Variants in LIFR observed in about 807,000 individuals in gnomAD.
LIFR encodes the protein LIF receptor subunit alpha.
LIFR carries 84 observed loss-of-function variants against 122.2 expected under a neutral mutation model. The observed-to-expected ratio is 0.69, with a 90% CI of 0.58 to 0.82. The LOEUF (loss-of-function observed/expected upper bound fraction) is 0.82, where lower values mean the gene tolerates loss of function less well. LIFR is among the 40% of genes least tolerant of loss of function. The probability of loss-of-function intolerance (pLI) is 0.00; values close to 1 mark genes in which losing one functional copy is unlikely to be tolerated. For synonymous variants in LIFR, 422 were observed against 434.7 expected (o/e 0.97, Z 0.36); for missense variants, 1,294 against 1,311.6 (o/e 0.99, Z 0.21).
chr5:38,486,046 C>T, intron 16 of LIFR, 66 bp from the exon 17 acceptor site: 1 of 1,441,400 alleles, frequency 6.9e-7, no homozygotes, highest in Non-Finnish European at 9.7e-7. Flanking sequence ...GTTACCCACA[C>T]CTGTCTCACC....
At chr5:38,597,366 G>A (rs578238634), upstream of LIFR, among the ~76,000 whole-genome samples, 24 of 152,338 alleles carry the variant, frequency 1.6e-4, no homozygotes, top group African/African-American at 4.3e-4. Flanking sequence ...GAAGTAGCTC[G>A]TGGGGTGAGA....
chr5:38,502,841 G>T, intron 10 of LIFR, 42 bp from the exon 11 acceptor site: 5 of 1,113,742 alleles, frequency 4.5e-6, no homozygotes, highest in Non-Finnish European at 6.4e-6. Context: ...TATATATTAT[G>T]TGTATGAATA....
At chr5:38,497,847 G>A (rs971830294) in intron 12 of LIFR, among the ~76,000 whole-genome samples, 1 of 152,016 alleles carries the variant, frequency 6.6e-6, no homozygotes, top group Non-Finnish European at 1.5e-5. Context: ...ATTTTTACCA[G>A]TGTACTTGAA....
chr5:38,495,517 T>C (rs546007699), intron 13 of LIFR, among the ~76,000 whole-genome samples: 3 of 152,168 alleles, frequency 2.0e-5, no homozygotes, highest in Non-Finnish European at 4.4e-5. Flanking sequence ...CTAATTCTCC[T>C]ATGACTGACT....
intron 2 of LIFR, among the ~76,000 whole-genome samples, chr5:38,529,762 C>A (rs1377797501): frequency 6.6e-6 from 1 of 152,074 alleles, no homozygotes; most frequent in Non-Finnish European, 1.5e-5. Flanking sequence ...TGTTTTTGTA[C>A]ATGGTTGGTA....
chr5:38,553,409 T>C (rs1288904372), intron 1 of LIFR, among the ~76,000 whole-genome samples: 2 of 151,820 alleles, frequency 1.3e-5, no homozygotes, highest in Admixed American at 6.6e-5. Context: ...TTGCTTCTTA[T>C]CCATCTCCTT....
upstream of LIFR, among the ~76,000 whole-genome samples, chr5:38,560,905 T>G (rs910842935): frequency 6.6e-6 from 1 of 152,148 alleles, no homozygotes; most frequent in Non-Finnish European, 1.5e-5. Context: ...CTGTCTTTTG[T>G]TTATTTATAC....
At chr5:38,581,332 C>T (rs993239186) in intron 1 of LIFR, among the ~76,000 whole-genome samples, 4 of 152,142 alleles carry the variant, frequency 2.6e-5, no homozygotes, top group Non-Finnish European at 5.9e-5. Flanking sequence ...AAAATCTGTT[C>T]CCAGGCTACC....
At chr5:38,514,542 T>A (rs1033783414) in intron 5 of LIFR, among the ~76,000 whole-genome samples, 2 of 152,202 alleles carry the variant, frequency 1.3e-5, no homozygotes, top group African/African-American at 4.8e-5. Flanking sequence ...CTACAACTTC[T>A]CAGTAATAGT....
intron 16 of LIFR, among the ~76,000 whole-genome samples, chr5:38,486,269 T>C (rs540796761): frequency 6.6e-6 from 1 of 152,348 alleles, no homozygotes; most frequent in East Asian, 1.9e-4. Flanking sequence ...TGTAGCATAA[T>C]GCCTGGCACA....
chr5:38,562,320 C>T (rs968966098), intron 1 of LIFR, among the ~76,000 whole-genome samples: 1 of 152,222 alleles, frequency 6.6e-6, no homozygotes, highest in African/African-American at 2.4e-5. Flanking sequence ...GAGCCTCCAT[C>T]CCTTTACCTC....
rs559517352 is a variant in LIFR, at chr5:38,552,456, C to A, written c.-20+3878G>T. On this transcript the variant is annotated intron_variant, in intron 1 of 19. Transcript: ENST00000453190. ...CCTCCTGTGAGAATAAAAGTACCTA[C>A]ATATATTTTATCTACTCATTAGTCT... Among the ~76,000 whole-genome samples, 4 of 152,280 alleles carry A rather than the reference C, an allele frequency of 2.6e-5. No individual in the cohort carries two copies. In the South Asian group the frequency reaches 8.3e-4, roughly 32 times the overall value.
chr5:38,502,948 G>A (rs988667350), intron 10 of LIFR, 149 bp from the exon 11 acceptor site: 1 of 412,412 alleles, frequency 2.4e-6, no homozygotes, highest in African/African-American at 2.1e-5. Flanking sequence ...GTTTGTATAT[G>A]TAACACCCAA....
At chr5:38,504,381 C>T (rs1161640163) in intron 9 of LIFR, among the ~76,000 whole-genome samples, 8 of 125,896 alleles carry the variant, frequency 6.4e-5, no homozygotes, top group Admixed American at 9.6e-5. Flanking sequence ...CAGTATCTAC[C>T]TTTAAGGAAC....
upstream of LIFR, chr5:38,557,344 C>T (rs1356336808): frequency 2.6e-5 from 4 of 152,962 alleles, no homozygotes; most frequent in African/African-American, 4.8e-5. Context: ...GTTCCCATTT[C>T]CGCAGTTTCA....
intron 19 of LIFR, 47 bp downstream of exon 19, chr5:38,482,542 A>G: frequency 9.9e-7 from 1 of 1,014,970 alleles, no homozygotes; most frequent in Non-Finnish European, 1.5e-6. Context: ...AAGATTAAAA[A>G]AAGAAGCCAG....
Position 38,505,875 on chromosome 5 carries a change from T to G in LIFR, c.1291+30A>C, listed in dbSNP as rs1392498160. 5 of 1,482,786 alleles carry G rather than the reference T, an allele frequency of 3.4e-6. No individual in the cohort carries two copies. In the African/African-American group the frequency reaches 7.0e-5, roughly 21 times the overall value. The allele number at this position is 1,482,786 out of a possible 1,614,324, so 91.9% of individuals were successfully genotyped here. ...AGCATTTCACCACTTTTAAAGTTAT[T>G]TTTAAGACATTAGTTTATGTACAGC... On this transcript the variant is annotated intron_variant, in intron 9 of 19. Transcript: ENST00000453190.
upstream of LIFR, among the ~76,000 whole-genome samples, chr5:38,598,145 TGG>T (rs1395268113): frequency 6.6e-6 from 1 of 150,974 alleles, no homozygotes; most frequent in Non-Finnish European, 1.5e-5. Flanking sequence ...AGTGACTCCA[TGG>T]CTATGACTGG....
At chr5:38,535,274 C>A (rs1747236071) in intron 1 of LIFR, among the ~76,000 whole-genome samples, 1 of 152,168 alleles carries the variant, frequency 6.6e-6, no homozygotes, top group Non-Finnish European at 1.5e-5. Flanking sequence ...TTCATCTGCA[C>A]CCTCCTCAAG....
Sources: allele counts gnomAD v4.1 joint callset (sites outside exome capture counted in the v4.1 genomes callset), GRCh38; gene constraint gnomAD v4.1.1; transcripts MANE v1.5; gene names NCBI Gene and HGNC (gene_info 2026-07-23, HGNC 2026-07-21).